The following FAM135B variants were observed in gnomAD, a reference collection of about 807,000 sequenced individuals.
The protein encoded by FAM135B is protein FAM135B.
Under a neutral mutation model 127.7 loss-of-function variants are expected in FAM135B, and 43 were observed. The observed-to-expected ratio is 0.34, with a 90% CI of 0.26 to 0.43. The LOEUF is 0.43. Among genes scored for constraint, FAM135B ranks in the 20% least tolerant of loss-of-function variants. The pLI, the probability that FAM135B is intolerant of heterozygous loss-of-function variation, is 1.00. For synonymous variants in FAM135B, 670 were observed against 665.1 expected, an observed-to-expected ratio of 1.01 and a Z score of -0.11; for missense variants, 1,558 against 1,725.6, an observed-to-expected ratio of 0.90 and a Z score of 1.72.
intron 1 of FAM135B, among the ~76,000 whole-genome samples, chr8:138,392,270 A>G (rs1385487124): frequency 1.3e-5 from 2 of 152,144 alleles, no homozygotes; most frequent in African/African-American, 2.4e-5. Flanking sequence ...ACTTGCATGT[A>G]TCTCTAGGCT....
chr8:138,153,661 T>A (rs1351536476), intron 12 of FAM135B, among the ~76,000 whole-genome samples: 1 of 152,046 alleles, frequency 6.6e-6, no homozygotes, highest in South Asian at 2.1e-4. Context: ...GCTTGGAGGG[T>A]CCTACACCCA....
chr8:138,361,593 C>T (rs1445486727), intron 2 of FAM135B, among the ~76,000 whole-genome samples: 2 of 152,162 alleles, frequency 1.3e-5, no homozygotes, highest in African/African-American at 2.4e-5. Flanking sequence ...TTTCCTCTTC[C>T]GCAGTCTAGA....
In FAM135B at chr8:138,137,349, C is replaced by G. The variant is rs116180339; in HGVS notation, c.3902-89G>C. On this transcript the variant is annotated intron_variant, in intron 18 of 19. Coordinates refer to ENST00000395297, the MANE Select transcript of FAM135B (RefSeq NM_015912.4). ...AATTTGCACAAATTTCCAGACTTGT[C>G]CTATAGAGAGAAAAAATGTTGACAC... is the stretch of plus-strand genomic sequence containing the variant. 3.1e-4 allele frequency: 238 copies of G among 755,702 alleles called. No homozygotes were observed. In the African/African-American group the frequency reaches 3.8e-3, roughly 12 times the overall value. The allele number at this position is 755,702 out of a possible 1,614,324, so 46.8% of individuals were successfully genotyped here.
intron 2 of FAM135B, among the ~76,000 whole-genome samples, chr8:138,345,011 G>C (rs1383489142): frequency 6.6e-6 from 1 of 152,190 alleles, no homozygotes; most frequent in African/African-American, 2.4e-5. Context: ...AGCAGGGACT[G>C]TTCTGTTTGG....
chr8:138,374,472 A>G (rs1831339884), intron 1 of FAM135B, among the ~76,000 whole-genome samples: 1 of 152,226 alleles, frequency 6.6e-6, no homozygotes, highest in Non-Finnish European at 1.5e-5. Context: ...ATAAGCCCCT[A>G]AAAAGGAGTA....
intron 2 of FAM135B, among the ~76,000 whole-genome samples, chr8:138,314,870 A>C (rs1443869900): frequency 8.2e-6 from 1 of 122,050 alleles, no homozygotes; most frequent in African/African-American, 3.3e-5. Flanking sequence ...TCAGGCGGAG[A>C]CCTTACCTCA....
chr8:138,142,288 C>CTTTTTT (rs71316322), intron 16 of FAM135B, among the ~76,000 whole-genome samples: 142 of 62,360 alleles, frequency 2.3e-3, no homozygotes, highest in Non-Finnish European at 3.5e-3. Flanking sequence ...TCTGCTTCTT[C>CTTTTTT]TTTTTTTTTT....
At chr8:138,144,747 T>C (rs1326679269) in intron 15 of FAM135B, among the ~76,000 whole-genome samples, 2 of 152,246 alleles carry the variant, frequency 1.3e-5, no homozygotes, top group East Asian at 1.9e-4. Context: ...ATTAAGTGAA[T>C]TGTGTAAAGG....
intron 11 of FAM135B, among the ~76,000 whole-genome samples, chr8:138,169,447 T>TCG: frequency 4.6e-5 from 7 of 150,622 alleles, no homozygotes; most frequent in African/African-American, 1.7e-4. Flanking sequence ...AAATGTTCTC[T>TCG]GAATATTTAA....
chr8:138,136,157 A>T (rs947402454), intron 19 of FAM135B, among the ~76,000 whole-genome samples: 2 of 152,052 alleles, frequency 1.3e-5, no homozygotes, highest in African/African-American at 2.4e-5. Flanking sequence ...ACTAATTTTT[A>T]AAAATTTTTT....
At chr8:138,424,079 T>C (rs1040487390) in intron 1 of FAM135B, among the ~76,000 whole-genome samples, 1 of 152,156 alleles carries the variant, frequency 6.6e-6, no homozygotes, top group African/African-American at 2.4e-5. Flanking sequence ...AGATTTCATA[T>C]TGTTCAAACA....
At chr8:138,415,565 T>C (rs1476107137) in intron 1 of FAM135B, among the ~76,000 whole-genome samples, 1 of 152,122 alleles carries the variant, frequency 6.6e-6, no homozygotes, top group Non-Finnish European at 1.5e-5. Context: ...GCATCAGAGA[T>C]AGGAGGGAAG....
At chr8:138,230,247 C>T (rs1306853255) in intron 7 of FAM135B, among the ~76,000 whole-genome samples, 1 of 152,138 alleles carries the variant, frequency 6.6e-6, no homozygotes, top group South Asian at 2.1e-4. Flanking sequence ...CTAGAGTAAC[C>T]ACATTCAAGG....
At chr8:138,304,899 G>A (rs565896187) in intron 3 of FAM135B, among the ~76,000 whole-genome samples, 1 of 152,276 alleles carries the variant, frequency 6.6e-6, no homozygotes, top group East Asian at 1.9e-4. Flanking sequence ...AGATGGAAGA[G>A]CCCCTTTTAA....
At chr8:138,316,955 G>A (rs1827147793) in intron 2 of FAM135B, among the ~76,000 whole-genome samples, 1 of 151,696 alleles carries the variant, frequency 6.6e-6, no homozygotes, top group Non-Finnish European at 1.5e-5. Context: ...ACTCTAGCCT[G>A]GGGGACAGAG....
intron 14 of FAM135B, 132 bp downstream of exon 14, chr8:138,148,388 T>A: frequency 1.4e-6 from 1 of 736,042 alleles, no homozygotes; most frequent in Non-Finnish European, 2.2e-6. Context: ...CTTAGATTCA[T>A]CATAATTACT....
chr8:138,195,396 T>A, intron 8 of FAM135B, 89 bp from the exon 9 acceptor site: 2 of 1,284,870 alleles, frequency 1.6e-6, no homozygotes, highest in South Asian at 2.4e-5. Flanking sequence ...AAGTTTCACA[T>A]TGGCATTAAC....
chr8:138,153,395 T>C (rs1818371713), intron 12 of FAM135B, among the ~76,000 whole-genome samples, 179 bp from the exon 13 acceptor site: 1 of 152,152 alleles, frequency 6.6e-6, no homozygotes, highest in Admixed American at 6.6e-5. Context: ...ACGGGTGATT[T>C]CTGCATTTCC....
At chr8:138,446,775 C>T (rs1453288566) in intron 1 of FAM135B, among the ~76,000 whole-genome samples, 1 of 151,778 alleles carries the variant, frequency 6.6e-6, no homozygotes. Flanking sequence ...ACACCAAAAG[C>T]AATGGCAACA....
Sources: gnomAD v4.1 joint callset for allele counts (sites outside exome capture counted in the v4.1 genomes callset) on GRCh38, gnomAD v4.1.1 for gene constraint, MANE v1.5 for transcripts, NCBI Gene and HGNC (gene_info 2026-07-23, HGNC 2026-07-21) for gene names.